The following RAE1 variants were observed in gnomAD, a reference collection of about 807,000 sequenced individuals.
RAE1 encodes the protein mRNA export factor RAE1.
In RAE1, 13 loss-of-function variants were observed where a neutral mutation model predicts 52.7. The observed-to-expected ratio is 0.25, with a 90% CI of 0.16 to 0.39. The LOEUF is 0.39. Ranked by LOEUF, RAE1 falls within the 10% of genes least tolerant of loss-of-function variation. RAE1 has a pLI of 1.00. For missense variants in RAE1, 262 were observed against 459.8 expected (o/e 0.57, Z 3.93); for synonymous variants, 164 against 153.1 (o/e 1.07, Z -0.52).
intron 11 of RAE1, among the ~76,000 whole-genome samples, chr20:57,376,636 GC>G (rs2067119925): frequency 6.6e-6 from 1 of 152,214 alleles, no homozygotes; most frequent in African/African-American, 2.4e-5. Context: ...ACCTGTGTAA[GC>G]CATGCACTCA....
intron 7 of RAE1, among the ~76,000 whole-genome samples, chr20:57,368,322 C>T (rs564091148): frequency 2.0e-5 from 3 of 152,028 alleles, no homozygotes; most frequent in African/African-American, 2.4e-5. Flanking sequence ...AAGTGTGTGA[C>T]GTGGACCTTA....
At chr20:57,353,878 T>C (rs1175280000) in intron 1 of RAE1, among the ~76,000 whole-genome samples, 154 bp from the exon 2 acceptor site, 1 of 152,280 alleles carries the variant, frequency 6.6e-6, no homozygotes, top group Non-Finnish European at 1.5e-5. Context: ...GTTTATGTTT[T>C]GAAAGCACTC....
chr20:57,368,887 C>A, intron 8 of RAE1, 75 bp downstream of exon 8: 11 of 1,231,716 alleles, frequency 8.9e-6, no homozygotes, highest in Non-Finnish European at 1.3e-5. Flanking sequence ...ATCTGGAATA[C>A]AGTTGTACTT....
In RAE1 at chr20:57,352,705, A is replaced by AGT. The variant is rs146538163; in HGVS notation, c.-8+1295_-8+1296dup. The stretch of plus-strand genomic sequence containing the variant: ...ATTAAGAACCTGTAGTGCTTTAGGC[A>AGT]GTGTGTGTGTGTGGCTTCATTTAGT... On this transcript the variant is annotated intron_variant, in intron 1 of 11. Transcript: ENST00000395841. 4.6e-5 allele frequency among the ~76,000 whole-genome samples: 7 copies of AGT among 152,156 alleles called. No homozygotes were observed. In the East Asian group the frequency reaches 5.8e-4, roughly 13 times the overall value.
chr20:57,351,437 G>C lies in RAE1; in HGVS notation c.-8+15G>C. ...GAGACCCCCAGGTAGGCCCCGTGCC[G>C]CGCGCGTCCCGTCGTTAACCGCCGC... On this transcript the variant is annotated intron_variant, in intron 1 of 11. Coordinates refer to ENST00000395841, the MANE Select transcript of RAE1 (RefSeq NM_003610.4). 2 of 985,462 alleles carry C rather than the reference G, an allele frequency of 2.0e-6. No homozygotes were observed. The highest frequency in any genetic ancestry group is 2.4e-6 in the Non-Finnish European group (2 of 829,974). 61.0% of individuals were successfully genotyped at this position (985,462 alleles called of 1,614,324 possible). A position where few individuals can be genotyped will look rare whatever the true frequency, so the allele number is the denominator to read the frequency against.
At chr20:57,367,227 C>T (rs1305128922) in intron 7 of RAE1, 148 bp downstream of exon 7, 2 of 710,468 alleles carry the variant, frequency 2.8e-6, no homozygotes, top group Admixed American at 6.2e-5. Flanking sequence ...TTGAGATTGC[C>T]TCAGTCGTCT....
Position 57,377,964 on chromosome 20 carries a change from T to C in RAE1, c.1021-49T>C, listed in dbSNP as rs1161810139. ...ACCTAGAAAAAGCACCTACAAATGC[T>C]AACTTTCTTTTGAATAATAAGATCA... is the stretch of plus-strand genomic sequence containing the variant. On this transcript the variant is annotated intron_variant, in intron 11 of 11. Coordinates refer to ENST00000395841, the MANE Select transcript of RAE1 (RefSeq NM_003610.4). 7 of 1,429,892 alleles carry C rather than the reference T, an allele frequency of 4.9e-6. No homozygotes were observed. The South Asian group carries it at 8.6e-5, about 18-fold the overall frequency. 88.6% of individuals were successfully genotyped at this position (1,429,892 alleles called of 1,614,324 possible).
At chr20:57,351,877 G>C (rs1310167672) in intron 1 of RAE1, 1 of 985,264 alleles carries the variant, frequency 1.0e-6, no homozygotes, top group Non-Finnish European at 1.2e-6. Context: ...AGTATTTATT[G>C]TATACGTATA....
chr20:57,369,074 T>G (rs2146165835), intron 8 of RAE1, among the ~76,000 whole-genome samples: 1 of 152,312 alleles, frequency 6.6e-6, no homozygotes, highest in Middle Eastern at 3.4e-3. Context: ...AGGGAAAACT[T>G]CTCCTTTGCC....
At chr20:57,362,204 T>G (rs1229875559) in intron 4 of RAE1, among the ~76,000 whole-genome samples, 1 of 152,244 alleles carries the variant, frequency 6.6e-6, no homozygotes, top group Non-Finnish European at 1.5e-5. Flanking sequence ...TTAGCTTATA[T>G]ATAAGAAATA....
At position 57,351,379 on chromosome 20, in the gene RAE1, C is replaced by A. The variant is rs1160647576; in HGVS notation, c.-51C>A. Reference sequence around the variant, plus strand: ...AGCAGGTTCGCAAACTCCTCAGACCCTTCTGCTCCCGGCCGCCGCTTTCCG... The same window carrying A: ...AGCAGGTTCGCAAACTCCTCAGACCATTCTGCTCCCGGCCGCCGCTTTCCG... On this transcript the variant is annotated 5_prime_UTR_variant, in exon 1 of 12. Transcript: ENST00000395841. The A allele has an allele frequency of 1.0e-5, 10 of 985,418 alleles. No individual in the cohort carries two copies. Among genetic ancestry groups the A allele is most frequent in the Non-Finnish European group, 1.2e-5 (10 of 830,008 alleles). 61.0% of individuals were successfully genotyped at this position (985,418 alleles called of 1,614,324 possible). A position where few individuals can be genotyped will look rare whatever the true frequency, so the allele number is the denominator to read the frequency against.
chr20:57,369,177 C>T (rs569256924), intron 8 of RAE1, among the ~76,000 whole-genome samples: 44 of 152,318 alleles, frequency 2.9e-4, no homozygotes, highest in South Asian at 1.9e-3. Flanking sequence ...CGTCTTACAA[C>T]GATCTTAAAG....
At chr20:57,361,948 C>T (rs964666726) in intron 4 of RAE1, among the ~76,000 whole-genome samples, 1 of 152,230 alleles carries the variant, frequency 6.6e-6, no homozygotes, top group Non-Finnish European at 1.5e-5. Context: ...TGCCTGAGCT[C>T]CGCCTCCTGT....
At chr20:57,364,742 A>G (rs2066931831) in intron 4 of RAE1, among the ~76,000 whole-genome samples, 1 of 152,212 alleles carries the variant, frequency 6.6e-6, no homozygotes, top group African/African-American at 2.4e-5. Flanking sequence ...CTCTGTGTGA[A>G]TATTGTGAAA....
At chr20:57,368,909 T>A in intron 8 of RAE1, 97 bp downstream of exon 8, 1 of 993,560 alleles carries the variant, frequency 1.0e-6, no homozygotes, top group Non-Finnish European at 1.5e-6. Flanking sequence ...GTAAAACCTG[T>A]AAGTATGTTC....
At chr20:57,375,481 G>A (rs2067100005) in intron 11 of RAE1, among the ~76,000 whole-genome samples, 1 of 152,092 alleles carries the variant, frequency 6.6e-6, no homozygotes, top group Non-Finnish European at 1.5e-5. Flanking sequence ...GTGGCCTGCA[G>A]TGTCTTTCCC....
intron 4 of RAE1, chr20:57,358,941 A>G (rs766254662): frequency 2.7e-5 from 39 of 1,429,210 alleles, no homozygotes; most frequent in Non-Finnish European, 3.5e-5. Context: ...TTAAAGCTCC[A>G]TAAGGTTTTC....
chr20:57,377,896 C>T, intron 11 of RAE1, 117 bp from the exon 12 acceptor site: 2 of 696,700 alleles, frequency 2.9e-6, no homozygotes, highest in Non-Finnish European at 4.6e-6. Flanking sequence ...TGTTTTATTT[C>T]TCTGAGAGAT....
intron 8 of RAE1, chr20:57,371,341 AC>A (rs1362652688): frequency 1.3e-5 from 2 of 152,276 alleles, no homozygotes; most frequent in African/African-American, 4.8e-5. Context: ...TTTCCAAAAT[AC>A]GTAAGGAACC....
Sources: allele counts gnomAD v4.1 joint callset (sites outside exome capture counted in the v4.1 genomes callset), GRCh38; gene constraint gnomAD v4.1.1; transcripts MANE v1.5; gene names NCBI Gene and HGNC (gene_info 2026-07-23, HGNC 2026-07-21).